Variants in KIF27 observed in about 807,000 individuals in gnomAD.
The protein encoded by KIF27 is kinesin-like protein KIF27.
In KIF27, 84 loss-of-function variants were observed where a neutral mutation model predicts 141.8. The ratio of observed to expected loss-of-function variants is 0.59; its 90% CI spans 0.50 to 0.71. The LOEUF (loss-of-function observed/expected upper bound fraction) is 0.71, where lower values mean the gene tolerates loss of function less well. KIF27 is among the 30% of genes least tolerant of loss of function. The pLI, the probability that KIF27 is intolerant of heterozygous loss-of-function variation, is 0.00. For missense variants in KIF27, 1,306 were observed against 1,628.4 expected, an observed-to-expected ratio of 0.80 and a Z score of 3.41; for synonymous variants, 471 against 569.5, an observed-to-expected ratio of 0.83 and a Z score of 2.46.
At chr9:83,894,130 T>C (rs535009730) in intron 5 of KIF27, among the ~76,000 whole-genome samples, 1 of 152,170 alleles carries the variant, frequency 6.6e-6, no homozygotes, top group Non-Finnish European at 1.5e-5. Flanking sequence ...CAAAGAAAAT[T>C]TCCAGTCCCA....
chr9:83,835,875 A>G lies in KIF27; in HGVS notation c.*1126T>C, dbSNP rs2780135. Among the ~76,000 whole-genome samples, 2 of 152,244 alleles carry G rather than the reference A, an allele frequency of 1.3e-5. No homozygotes were observed. Among genetic ancestry groups the G allele is most frequent in the Admixed American group, 6.5e-5 (1 of 15,280 alleles). On this transcript the variant is annotated 3_prime_UTR_variant, in exon 18 of 18. Coordinates refer to ENST00000297814, the MANE Select transcript of KIF27 (RefSeq NM_017576.4). Reference sequence around the variant, plus strand: ...TTTTGGAAAAGTAACAAAGAACAACATAAGTAACAAAATAATTCCTCAGGT... The same window carrying G: ...TTTTGGAAAAGTAACAAAGAACAACGTAAGTAACAAAATAATTCCTCAGGT...
chr9:83,915,895 T>C (rs897932135), intron 1 of KIF27, among the ~76,000 whole-genome samples: 1 of 152,038 alleles, frequency 6.6e-6, no homozygotes, highest in South Asian at 2.1e-4. Flanking sequence ...GGTCCATGAG[T>C]TGATAAATGA....
chr9:83,914,211 CAAA>C (rs374605136), intron 2 of KIF27, among the ~76,000 whole-genome samples: 1 of 127,118 alleles, frequency 7.9e-6, no homozygotes, highest in Non-Finnish European at 1.7e-5. Context: ...ATTTGCCAAT[CAAA>C]AAAAAAAAAA....
Position 83,870,513 on chromosome 9 carries a change from A to G in KIF27, c.2757+6T>C, listed in dbSNP as rs759158696. 1.1e-5 allele frequency: 17 copies of G among 1,613,638 alleles called. No homozygotes were observed. In the East Asian group the frequency reaches 3.1e-4, roughly 30 times the overall value. ...AACCAGGAAACACTAAATAGAATTG[A>G]CAAACCTGGAGATGGTCTATACTTC... is the stretch of plus-strand genomic sequence containing the variant. On this transcript the variant is annotated splice_donor_region_variant and intron_variant, in intron 12 of 17. Coordinates refer to ENST00000297814, the MANE Select transcript of KIF27 (RefSeq NM_017576.4).
intron 13 of KIF27, among the ~76,000 whole-genome samples, chr9:83,865,050 A>G (rs958298692): frequency 1.3e-5 from 2 of 151,606 alleles, no homozygotes; most frequent in African/African-American, 4.8e-5. Context: ...CCATCCCTTT[A>G]TTTTGAGCCT....
intron 1 of KIF27, among the ~76,000 whole-genome samples, chr9:83,918,767 C>T (rs148892926): frequency 6.6e-6 from 1 of 151,824 alleles, no homozygotes; most frequent in Non-Finnish European, 1.5e-5. Context: ...ATGGTGTAAC[C>T]CCATTGCTAC....
chr9:83,914,058 C>T (rs1181713221), intron 2 of KIF27, among the ~76,000 whole-genome samples: 1 of 151,688 alleles, frequency 6.6e-6, no homozygotes, highest in African/African-American at 2.4e-5. Flanking sequence ...ACTTCAATAA[C>T]TTTTTCCCTT....
At position 83,850,185 on chromosome 9, in the gene KIF27, T is replaced by C; in HGVS notation, c.3470A>G (p.His1157Arg). Residue 1157 changes from histidine to arginine, a missense_variant, in exon 16 of 18, where the codon CAT becomes CGT. Transcript: ENST00000297814. ...MVRELESALDHLKLQCDRRLT... is the reference protein window; with the variant it reads ...MVRELESALDRLKLQCDRRLT... ...TCTCCGGTCACACTGCAATTTTAGATGGTCCAGTGCAGATTCTAATTCACG... is the reference window on the plus strand; with the variant it reads ...TCTCCGGTCACACTGCAATTTTAGACGGTCCAGTGCAGATTCTAATTCACG... 1 of 1,613,428 alleles carries C rather than the reference T, an allele frequency of 6.2e-7. No individual in the cohort carries two copies. Among genetic ancestry groups the C allele is most frequent in the African/African-American group, 1.3e-5 (1 of 75,056 alleles).
chr9:83,883,980 T>G lies in KIF27; in HGVS notation c.2278A>C (p.Lys760Gln), dbSNP rs1482497079. 2.0e-5 allele frequency: 32 copies of G among 1,613,194 alleles called. No homozygotes were observed. The highest frequency in any genetic ancestry group is 2.7e-5 in the Non-Finnish European group (32 of 1,179,474). The change falls in exon 10 of 18, where the codon AAA becomes CAA. Residue 760 changes from lysine (K) to glutamine (Q), a missense_variant. By Grantham distance (53) the Lys-to-Gln change is moderately conservative (BLOSUM62 1). This residue lies in a region of KIF27 where 596 missense variants were observed against 751.6 expected (regional missense o/e 0.79). Transcript: ENST00000297814. ...AKSVSKQYSLKVTKLEHDAEQ... is the reference protein window; with the variant it reads ...AKSVSKQYSLQVTKLEHDAEQ... ...GCATCATGCTCTAGCTTTGTTACTTTCAAAGAATACTGCTTGCTTACAGAC... is the reference window on the plus strand; with the variant it reads ...GCATCATGCTCTAGCTTTGTTACTTGCAAAGAATACTGCTTGCTTACAGAC...
chr9:83,918,825 C>A (rs938665761), intron 1 of KIF27, among the ~76,000 whole-genome samples: 2 of 152,134 alleles, frequency 1.3e-5, no homozygotes, highest in African/African-American at 4.8e-5. Flanking sequence ...CCTGTAATCC[C>A]AGCATTTTGG....
intron 12 of KIF27, 178 bp from the exon 13 acceptor site, chr9:83,868,038 T>C (rs1322090838): frequency 1.7e-6 from 1 of 582,220 alleles, no homozygotes; most frequent in East Asian, 3.1e-5. Context: ...AGTCAAGATG[T>C]AGCTATGTTG....
At chr9:83,878,542 T>C (rs1951417825) in intron 11 of KIF27, among the ~76,000 whole-genome samples, 1 of 151,886 alleles carries the variant, frequency 6.6e-6, no homozygotes, top group Non-Finnish European at 1.5e-5. Context: ...AACTGTGGCA[T>C]ATCCATACAA....
intron 5 of KIF27, among the ~76,000 whole-genome samples, chr9:83,895,929 G>A (rs1953177944): frequency 1.3e-5 from 2 of 151,720 alleles, no homozygotes; most frequent in Non-Finnish European, 2.9e-5. Flanking sequence ...GTGCATGCCT[G>A]TAGTCCCAGC....
Position 83,903,320 on chromosome 9 carries a change from GCTC to G in KIF27, c.1195_1197del (p.Glu399del). ...CATTCTCCTTGAAGCTGAGCTACTTGCTCCTCAAGAGAATGAATCCTATTTGTA... is the reference window on the plus strand; with the variant it reads ...CATTCTCCTTGAAGCTGAGCTACTTGCTCAAGAGAATGAATCCTATTTGTA... On this transcript the variant is annotated inframe_deletion, in exon 4 of 18. Transcript: ENST00000297814. 6.2e-7 allele frequency: 1 copy of G among 1,614,168 alleles called. No homozygotes were observed. Among genetic ancestry groups the G allele is most frequent in the Non-Finnish European group, 8.5e-7 (1 of 1,180,016 alleles).
intron 12 of KIF27, among the ~76,000 whole-genome samples, chr9:83,870,107 T>G (rs1950646974): frequency 1.3e-5 from 2 of 152,178 alleles, no homozygotes; most frequent in Admixed American, 1.3e-4. Flanking sequence ...GAAGGTTTTA[T>G]TCAGAGTCCA....
chr9:83,871,727 C>A (rs1950811779), intron 11 of KIF27, among the ~76,000 whole-genome samples: 1 of 150,878 alleles, frequency 6.6e-6, no homozygotes, highest in South Asian at 2.1e-4. Flanking sequence ...CTCACTCTGT[C>A]ACCCAGGCTG....
At chr9:83,860,825 G>A (rs1364920966) in intron 13 of KIF27, among the ~76,000 whole-genome samples, 1 of 150,928 alleles carries the variant, frequency 6.6e-6, no homozygotes, top group Non-Finnish European at 1.5e-5. Context: ...CATAGTTTGT[G>A]CCCTTATTTT....
chr9:83,888,990 A>C lies in KIF27; in HGVS notation c.1979+94T>G, dbSNP rs1292972021. On this transcript the variant is annotated intron_variant, in intron 7 of 17. Coordinates refer to ENST00000297814, the MANE Select transcript of KIF27 (RefSeq NM_017576.4). The stretch of plus-strand genomic sequence containing the variant: ...AGTTACCTACTCTTCTATTAAACAT[A>C]AAAGATATACTCCAATGGAAAAAAC... The C allele has an allele frequency of 8.6e-6, 12 of 1,400,612 alleles. No individual in the cohort carries two copies. The Admixed American group carries it at 2.7e-4, about 32-fold the overall frequency. 86.8% of individuals were successfully genotyped at this position (1,400,612 alleles called of 1,614,324 possible).
At chr9:83,845,110 G>A (rs1322096812) in intron 16 of KIF27, among the ~76,000 whole-genome samples, 3 of 152,202 alleles carry the variant, frequency 2.0e-5, no homozygotes, top group Admixed American at 1.3e-4. Context: ...TAGGGATGCT[G>A]TTTGGAGCCT....
Sources: gnomAD v4.1 joint callset for allele counts (sites outside exome capture counted in the v4.1 genomes callset) on GRCh38, gnomAD v4.1.1 for gene constraint, gnomAD v4.1.1 regional missense constraint, MANE v1.5 for transcripts, NCBI Gene and HGNC (gene_info 2026-07-23, HGNC 2026-07-21) for gene names.